Variants in C1QTNF3 observed in about 807,000 individuals in gnomAD.
The protein encoded by C1QTNF3 is C1q and TNF related 3.
In C1QTNF3, 26 loss-of-function variants were observed where a neutral mutation model predicts 32.6. The observed-to-expected ratio is 0.80, with a 90% CI of 0.58 to 1.11. The LOEUF is 1.11. Among genes scored for constraint, C1QTNF3 ranks in the 50% least tolerant of loss-of-function variants. C1QTNF3 has a pLI of 0.00. For missense variants in C1QTNF3, 362 were observed against 398.2 expected, an observed-to-expected ratio of 0.91 and a Z score of 0.77; for synonymous variants, 155 against 146.0, an observed-to-expected ratio of 1.06 and a Z score of -0.44.
chr5:34,219,348 A>T, the C1QTNF3 span, among the ~76,000 whole-genome samples: 2 of 151,738 alleles, frequency 1.3e-5, no homozygotes, highest in South Asian at 4.2e-4. Flanking sequence ...CAATATTAAA[A>T]TTTTTTTCTT....
At chr5:34,091,702 G>A in the C1QTNF3 span, among the ~76,000 whole-genome samples, 1 of 152,166 alleles carries the variant, frequency 6.6e-6, no homozygotes, top group Admixed American at 6.5e-5. Context: ...TAAGATCACA[G>A]TAAGCCTTAT....
chr5:34,223,777 CAT>C, the C1QTNF3 span, among the ~76,000 whole-genome samples: 2 of 152,102 alleles, frequency 1.3e-5, no homozygotes, highest in African/African-American at 2.4e-5. Context: ...TCCTATTCAA[CAT>C]AGTGTTGGAA....
chr5:34,042,877 C>A lies in C1QTNF3; in HGVS notation c.249G>T (p.Glu83Asp), dbSNP rs1181106649. The A allele has an allele frequency of 6.2e-7, 1 of 1,614,164 alleles. No individual in the cohort carries two copies. The highest frequency in any genetic ancestry group is 1.7e-5 in the Admixed American group (1 of 60,018). ...STDLKSLRPDELPHPEVDDLA... is the reference protein window; with the variant it reads ...STDLKSLRPDDLPHPEVDDLA... ...GGTCATCTACCTCGGGGTGCGGTAGCTCATCTGGTCTCAGGGATTTTAGGT... is the reference window on the plus strand; with the variant it reads ...GGTCATCTACCTCGGGGTGCGGTAGATCATCTGGTCTCAGGGATTTTAGGT... The change falls in exon 1 of 6, where the codon GAG (glutamate) becomes GAT (aspartate). Residue 83 changes from glutamate (E) to aspartate (D), a missense_variant. Coordinates refer to ENST00000382065, the MANE Select transcript of C1QTNF3 (RefSeq NM_181435.6).
rs976095319 is a variant in C1QTNF3, at chr5:34,018,121, C to T, written c.*2462G>A. Among the ~76,000 whole-genome samples the T allele has an allele frequency of 2.6e-5, 4 of 151,566 alleles. No individual in the cohort carries two copies. Among genetic ancestry groups the T allele is most frequent in the African/African-American group, 9.7e-5 (4 of 41,316 alleles). ...TATTTAAAAATAAAAGCCATAAATA[C>T]ATGCAGGAAAAGACTGAAATAAACA... On this transcript the variant is annotated 3_prime_UTR_variant, in exon 6 of 6. Coordinates refer to ENST00000382065, the MANE Select transcript of C1QTNF3 (RefSeq NM_181435.6).
At chr5:34,100,324 T>C in the C1QTNF3 span, among the ~76,000 whole-genome samples, 3 of 151,486 alleles carry the variant, frequency 2.0e-5, no homozygotes, top group African/African-American at 4.8e-5. Context: ...CTTGAAACTA[T>C]TGCATTGGAG....
the C1QTNF3 span, among the ~76,000 whole-genome samples, chr5:34,063,037 G>A: frequency 6.6e-6 from 1 of 152,012 alleles, no homozygotes; most frequent in Non-Finnish European, 1.5e-5. Flanking sequence ...GGAAGGCTAC[G>A]GGTTGTCGGT....
the C1QTNF3 span, among the ~76,000 whole-genome samples, chr5:34,229,658 G>C: frequency 6.6e-6 from 1 of 152,174 alleles, no homozygotes; most frequent in Non-Finnish European, 1.5e-5. Context: ...GATATAAAAG[G>C]AGAATGTGAA....
At chr5:34,236,328 T>A in the C1QTNF3 span, among the ~76,000 whole-genome samples, 9 of 151,486 alleles carry the variant, frequency 5.9e-5, no homozygotes, top group Non-Finnish European at 2.9e-5. Flanking sequence ...GAGGTGGAGG[T>A]TGCAGTGAGC....
At chr5:34,048,083 G>A (rs1393236156), upstream of C1QTNF3, among the ~76,000 whole-genome samples, 1 of 152,122 alleles carries the variant, frequency 6.6e-6, no homozygotes, top group Non-Finnish European at 1.5e-5. Context: ...ACAAGAATAA[G>A]GCTTTCAGAG....
At chr5:34,065,604 T>C in the C1QTNF3 span, among the ~76,000 whole-genome samples, 2 of 151,984 alleles carry the variant, frequency 1.3e-5, no homozygotes, top group East Asian at 3.9e-4. Flanking sequence ...GAGGCAGAGG[T>C]TGCAGTTACC....
intron 1 of C1QTNF3, among the ~76,000 whole-genome samples, chr5:34,042,240 AT>A (rs1754887340): frequency 6.6e-6 from 1 of 151,992 alleles, no homozygotes; most frequent in South Asian, 2.1e-4. Context: ...CAAACAGTTT[AT>A]TTTTTATTTA....
the C1QTNF3 span, among the ~76,000 whole-genome samples, chr5:34,195,321 A>T: frequency 5.0e-4 from 70 of 140,126 alleles, no homozygotes; most frequent in African/African-American, 1.9e-3. Flanking sequence ...AATATATATA[A>T]TCTGAAATAA....
chr5:34,055,838 A>C, the C1QTNF3 span, among the ~76,000 whole-genome samples: 3 of 152,342 alleles, frequency 2.0e-5, no homozygotes, highest in South Asian at 6.2e-4. Context: ...ATGCAGTGGG[A>C]AATCTGCATA....
At chr5:34,023,502 A>G (rs956138399) in intron 5 of C1QTNF3, among the ~76,000 whole-genome samples, 1 of 152,216 alleles carries the variant, frequency 6.6e-6, no homozygotes, top group Non-Finnish European at 1.5e-5. Context: ...TTTTTCATAG[A>G]TAACTCATGG....
chr5:34,119,489 G>A, the C1QTNF3 span, among the ~76,000 whole-genome samples: 1 of 152,066 alleles, frequency 6.6e-6, no homozygotes, highest in Admixed American at 6.5e-5. Context: ...ATAAACAACT[G>A]TATTGTTTTC....
chr5:34,135,410 G>T, the C1QTNF3 span, among the ~76,000 whole-genome samples: 1 of 152,066 alleles, frequency 6.6e-6, no homozygotes, highest in Non-Finnish European at 1.5e-5. Context: ...CCAGGCTTTG[G>T]TATCAGGATG....
At chr5:34,079,422 T>A in the C1QTNF3 span, among the ~76,000 whole-genome samples, 12 of 151,634 alleles carry the variant, frequency 7.9e-5, no homozygotes, top group Non-Finnish European at 1.5e-4. Flanking sequence ...GTTTCACCCA[T>A]TCGCATTCCT....
the C1QTNF3 span, among the ~76,000 whole-genome samples, chr5:34,235,168 C>A: frequency 6.6e-6 from 1 of 152,040 alleles, no homozygotes; most frequent in Non-Finnish European, 1.5e-5. Flanking sequence ...GGGCTGGGTT[C>A]CTTGTTTTTT....
At chr5:34,030,329 A>G (rs1299800111) in intron 3 of C1QTNF3, among the ~76,000 whole-genome samples, 1 of 152,110 alleles carries the variant, frequency 6.6e-6, no homozygotes, top group Non-Finnish European at 1.5e-5. Flanking sequence ...AACTTGAGAA[A>G]CCTGCTCACG....
Sources: allele counts gnomAD v4.1 joint callset (sites outside exome capture counted in the v4.1 genomes callset), GRCh38; gene constraint gnomAD v4.1.1; transcripts MANE v1.5; gene names NCBI Gene and HGNC (gene_info 2026-07-23, HGNC 2026-07-21).